The following UNC5C variants were observed in gnomAD, a reference collection of about 807,000 sequenced individuals.
UNC5C encodes unc-5 netrin receptor C.
In UNC5C, 47 loss-of-function variants were observed where a neutral mutation model predicts 99.8. The ratio of observed to expected loss-of-function variants is 0.47; its 90% confidence interval spans 0.37 to 0.60. The LOEUF (loss-of-function observed/expected upper bound fraction) is 0.60, where lower values mean the gene tolerates loss of function less well. UNC5C is among the 20% of genes least tolerant of loss of function. The pLI is 0.00. For synonymous variants in UNC5C, 487 were observed against 452.2 expected, an observed-to-expected ratio of 1.08 and a Z score of -0.98; for missense variants, 1,062 against 1,165.9, an observed-to-expected ratio of 0.91 and a Z score of 1.30.
intron 3 of UNC5C, among the ~76,000 whole-genome samples, chr4:95,294,494 C>G (rs1741602700): frequency 6.6e-6 from 1 of 152,144 alleles, no homozygotes; most frequent in Admixed American, 6.5e-5. Flanking sequence ...TCCGGAGGAG[C>G]CATCCTGCTG....
intron 1 of UNC5C, among the ~76,000 whole-genome samples, chr4:95,387,914 T>C (rs1298451717): frequency 6.6e-6 from 1 of 152,202 alleles, no homozygotes. Context: ...GTTAGGCAGA[T>C]AAGTAAAACC....
At chr4:95,325,359 G>T (rs767278233) in intron 2 of UNC5C, among the ~76,000 whole-genome samples, 5 of 151,324 alleles carry the variant, frequency 3.3e-5, no homozygotes, top group Non-Finnish European at 7.4e-5. Flanking sequence ...AGAAGATGTA[G>T]GTGGCTATTT....
chr4:95,178,947 C>T (rs1015573870), intron 14 of UNC5C, among the ~76,000 whole-genome samples: 12 of 152,242 alleles, frequency 7.9e-5, no homozygotes, highest in African/African-American at 2.2e-4. Context: ...AAGTAAAATA[C>T]GTTTATACAT....
In UNC5C at chr4:95,245,117, T is replaced by G. The variant is rs1739456570; in HGVS notation, c.803A>C (p.Glu268Ala). The G allele has an allele frequency of 6.2e-7, 1 of 1,612,670 alleles. No individual in the cohort carries two copies. The highest frequency in any genetic ancestry group is 8.5e-7 in the Non-Finnish European group (1 of 1,179,660). The change falls in exon 6 of 16, where the codon GAG (glutamate) becomes GCG (alanine). Residue 268 changes from glutamate to alanine, a missense_variant. Physicochemically the swap from Glu to Ala is moderately radical, Grantham distance 107. Around this residue, in one of 3 missense-constraint regions of UNC5C, gnomAD observed 810 missense variants for 854.5 expected, o/e 0.95. Coordinates refer to ENST00000453304, the MANE Select transcript of UNC5C (RefSeq NM_003728.4). ...YVNGGWSTWT[E>A]WSVCNSRCGR... is the part of the protein sequence containing the mutation. ...ACAGCGGCTGTTACACACAGACCAC[T>G]CCGTCCAGGTGGACCAGCCACCGTT...
chr4:95,367,699 A>G (rs1744615896), intron 1 of UNC5C, among the ~76,000 whole-genome samples: 1 of 152,128 alleles, frequency 6.6e-6, no homozygotes, highest in Non-Finnish European at 1.5e-5. Context: ...TATTTATCCT[A>G]ATAATATTAA....
In UNC5C at chr4:95,309,772, G is replaced by T. The variant is rs549860647; in HGVS notation, c.347-8023C>A. Among the ~76,000 whole-genome samples, 111 of 152,218 alleles carry T rather than the reference G, an allele frequency of 7.3e-4. 1 individual carries two copies. Among genetic ancestry groups the T allele is most frequent in the Middle Eastern group, 3.4e-3 (1 of 294 alleles). ...AATGGCTACTATCAAAAAGACAAAA[G>T]ATAACAAGTGTTGGCAAAGGATATG... On this transcript the variant is annotated intron_variant, in intron 2 of 15. Transcript: ENST00000453304.
intron 3 of UNC5C, among the ~76,000 whole-genome samples, chr4:95,289,604 C>T (rs138870649): frequency 6.6e-6 from 1 of 152,208 alleles, no homozygotes; most frequent in Non-Finnish European, 1.5e-5. Flanking sequence ...TCAAAGTGCT[C>T]CTCTAGCAAA....
chr4:95,446,417 C>T (rs1237261138), intron 1 of UNC5C, among the ~76,000 whole-genome samples: 20 of 152,146 alleles, frequency 1.3e-4, no homozygotes, highest in Admixed American at 1.3e-3. Flanking sequence ...TTGTGCAATA[C>T]TCAGTAAGCT....
At chr4:95,437,789 G>A (rs1227071862) in intron 1 of UNC5C, among the ~76,000 whole-genome samples, 1 of 152,062 alleles carries the variant, frequency 6.6e-6, no homozygotes, top group Admixed American at 6.6e-5. Context: ...GCACATGATT[G>A]TGTAAGAAAA....
rs1317851693 is a variant in UNC5C, at chr4:95,204,145, G to A, written c.1903-1181C>T. ...AGTGAAATTTTCAGTCTAAAGAGAT[G>A]GGTTTTTATGTGTCATTAAACAGTC... On this transcript the variant is annotated intron_variant, in intron 11 of 15. Coordinates refer to ENST00000453304, the MANE Select transcript of UNC5C (RefSeq NM_003728.4). Among the ~76,000 whole-genome samples, 4 of 152,244 alleles carry A rather than the reference G, an allele frequency of 2.6e-5. No homozygotes were observed. The South Asian group carries it at 8.3e-4, about 32-fold the overall frequency.
rs146345704 is a variant in UNC5C, at chr4:95,197,880, C to T, written c.2136+4851G>A. 4.9e-4 allele frequency among the ~76,000 whole-genome samples: 74 copies of T among 151,680 alleles called. No homozygotes were observed. The Middle Eastern group carries it at 0.014, about 28-fold the overall frequency. Reference sequence around the variant, plus strand: ...AAAAGGCTGCAGCAGCTCATAATGACGAGAGAGTTCAGTGTGGAAGCGAGT... The same window carrying T: ...AAAAGGCTGCAGCAGCTCATAATGATGAGAGAGTTCAGTGTGGAAGCGAGT... On this transcript the variant is annotated intron_variant, in intron 12 of 15. Coordinates refer to ENST00000453304, the MANE Select transcript of UNC5C (RefSeq NM_003728.4).
Position 95,260,047 on chromosome 4 carries a change from C to T in UNC5C, c.595-9380G>A, listed in dbSNP as rs1361232440. On this transcript the variant is annotated intron_variant, in intron 4 of 15. Transcript: ENST00000453304. ...TTTCTTCCAGCCACCTCTGCTTTCC[C>T]TACCACCCTGAAAGTACACCTATGT... Among the ~76,000 whole-genome samples the T allele has an allele frequency of 5.9e-5, 9 of 152,164 alleles. No individual in the cohort carries two copies. The South Asian group carries it at 1.0e-3, about 18-fold the overall frequency.
chr4:95,450,853 C>T (rs1328844169), intron 1 of UNC5C, among the ~76,000 whole-genome samples: 1 of 152,010 alleles, frequency 6.6e-6, no homozygotes, highest in East Asian at 1.9e-4. Flanking sequence ...TATCAATTTC[C>T]AGGAATTAAA....
At position 95,401,921 on chromosome 4, in the gene UNC5C, T is replaced by C. The variant is rs144735113; in HGVS notation, c.125-66290A>G. 7.5e-4 allele frequency among the ~76,000 whole-genome samples: 115 copies of C among 152,344 alleles called. 1 individual carries two copies. In the East Asian group the frequency reaches 0.013, roughly 17 times the overall value. ...TATTACAGTACAATGGAATGTGGAATGTGTCAAGGATGCCTTTTCGAAAGT... is the reference window on the plus strand; with the variant it reads ...TATTACAGTACAATGGAATGTGGAACGTGTCAAGGATGCCTTTTCGAAAGT... On this transcript the variant is annotated intron_variant, in intron 1 of 15. Transcript: ENST00000453304.
At chr4:95,296,798 A>G (rs1245293699) in intron 3 of UNC5C, among the ~76,000 whole-genome samples, 1 of 152,196 alleles carries the variant, frequency 6.6e-6, no homozygotes, top group African/African-American at 2.4e-5. Flanking sequence ...TAAATCTTTG[A>G]CTGAAACATT....
chr4:95,222,209 C>A (rs965540593), intron 7 of UNC5C: 1 of 1,492,514 alleles, frequency 6.7e-7, no homozygotes, highest in African/African-American at 1.4e-5. Flanking sequence ...ATCAAACTTA[C>A]AAGAAAATCC....
chr4:95,323,779 T>C (rs192155689), intron 2 of UNC5C, among the ~76,000 whole-genome samples: 3 of 152,312 alleles, frequency 2.0e-5, no homozygotes, highest in Admixed American at 2.0e-4. Flanking sequence ...GGCTCATGCC[T>C]GTAATCCCAG....
chr4:95,215,398 A>G (rs150288507), intron 10 of UNC5C, among the ~76,000 whole-genome samples: 58 of 152,324 alleles, frequency 3.8e-4, no homozygotes, highest in Non-Finnish European at 5.1e-4. Flanking sequence ...TATTTAACAC[A>G]CGCATTTTAC....
intron 12 of UNC5C, among the ~76,000 whole-genome samples, chr4:95,187,629 T>A (rs1736887570): frequency 6.6e-6 from 1 of 152,186 alleles, no homozygotes; most frequent in East Asian, 1.9e-4. Flanking sequence ...TCAGGCTCAG[T>A]TTTTTGTTTC....
Sources: allele counts gnomAD v4.1 joint callset (sites outside exome capture counted in the v4.1 genomes callset), GRCh38; gene constraint gnomAD v4.1.1; regional missense constraint gnomAD v4.1.1; transcripts MANE v1.5; gene names NCBI Gene and HGNC (gene_info 2026-07-23, HGNC 2026-07-21).